CPED1: variants seen among roughly 807,000 people sequenced by gnomAD.
CPED1 encodes cadherin like and PC-esterase domain containing 1, also known as cadherin-like and PC-esterase domain-containing protein 1.
CPED1 carries 114 observed loss-of-function variants against 128.2 expected under a neutral mutation model. That is an observed-to-expected ratio of 0.89 (90% CI 0.76 to 1.04). The LOEUF (loss-of-function observed/expected upper bound fraction) is 1.04, where lower values mean the gene tolerates loss of function less well. Ranked by LOEUF, CPED1 falls within the 50% of genes least tolerant of loss-of-function variation. The pLI is 0.00. For missense variants in CPED1, 1,211 were observed against 1,207.1 expected, an observed-to-expected ratio of 1.00 and a Z score of -0.05; for synonymous variants, 462 against 426.7, an observed-to-expected ratio of 1.08 and a Z score of -1.02.
chr7:121,026,977 G>A (rs9692504), intron 3 of CPED1, among the ~76,000 whole-genome samples: 2,963 of 150,452 alleles, frequency 0.02, 98 homozygotes, highest in African/African-American at 0.069. Flanking sequence ...CTACAGGAGC[G>A]TGCCACCAAG....
At chr7:121,244,715 G>A (rs1231413752) in intron 18 of CPED1, among the ~76,000 whole-genome samples, 2 of 152,226 alleles carry the variant, frequency 1.3e-5, no homozygotes, top group African/African-American at 4.8e-5. Context: ...TGTGAAAACA[G>A]ACATCTGCAG....
chr7:121,190,648 C>A (rs1033937299), intron 16 of CPED1, among the ~76,000 whole-genome samples: 1 of 151,852 alleles, frequency 6.6e-6, no homozygotes, highest in Non-Finnish European at 1.5e-5. Context: ...CAATGTTTTC[C>A]TAGACTCAGG....
At chr7:121,253,661 C>A (rs1261864531) in intron 18 of CPED1, among the ~76,000 whole-genome samples, 1 of 151,952 alleles carries the variant, frequency 6.6e-6, no homozygotes, top group Non-Finnish European at 1.5e-5. Flanking sequence ...TAAGACTCAA[C>A]CATTTTCTGT....
intron 3 of CPED1, among the ~76,000 whole-genome samples, chr7:121,036,684 A>G (rs1371283559): frequency 2.0e-5 from 3 of 151,940 alleles, no homozygotes; most frequent in East Asian, 1.9e-4. Context: ...CAAATAGTAG[A>G]TCTATTTTAA....
chr7:121,180,681 A>G (rs1367894897), intron 16 of CPED1, among the ~76,000 whole-genome samples: 1 of 152,050 alleles, frequency 6.6e-6, no homozygotes, highest in African/African-American at 2.4e-5. Context: ...AATGGAGAAG[A>G]GAAGAGAGAA....
intron 7 of CPED1, among the ~76,000 whole-genome samples, chr7:121,105,564 G>T (rs896945477): frequency 6.6e-6 from 1 of 152,018 alleles, no homozygotes; most frequent in Non-Finnish European, 1.5e-5. Flanking sequence ...AAGAGTTGAC[G>T]TATTACTTAA....
Position 121,103,072 on chromosome 7 carries a change from T to A in CPED1, c.918+2978T>A, listed in dbSNP as rs180851433. 9.3e-4 allele frequency among the ~76,000 whole-genome samples: 142 copies of A among 152,290 alleles called. 1 individual carries two copies. The highest frequency in any genetic ancestry group is 3.2e-3 in the African/African-American group (134 of 41,570). On this transcript the variant is annotated intron_variant, in intron 7 of 22. Transcript: ENST00000310396. The stretch of plus-strand genomic sequence containing the variant: ...AATAACAGGCTAATTTTTATGATAG[T>A]TTTTATTTATGTATTTCCTGAAAAT...
chr7:121,023,981 C>A (rs1018743650), intron 3 of CPED1, among the ~76,000 whole-genome samples: 8 of 152,046 alleles, frequency 5.3e-5, no homozygotes, highest in Non-Finnish European at 1.2e-4. Context: ...ATCAGAAGTG[C>A]TTCTGTACTT....
rs140497374 is a variant in CPED1, at chr7:121,231,612, G to C, written c.2056-5102G>C. On this transcript the variant is annotated intron_variant, in intron 16 of 22. Transcript: ENST00000310396. ...GGCGTCACTGACAGGTATGTAGAAC[G>C]TTGGATGGAGATAGATTGGATTGTT... is the stretch of plus-strand genomic sequence containing the variant. Among the ~76,000 whole-genome samples, 181 of 152,176 alleles carry C rather than the reference G, an allele frequency of 1.2e-3. 1 individual carries two copies. The highest frequency in any genetic ancestry group is 2.4e-4 in the Non-Finnish European group (16 of 67,976).
At chr7:121,105,697 A>G (rs988695859) in intron 7 of CPED1, among the ~76,000 whole-genome samples, 1 of 152,152 alleles carries the variant, frequency 6.6e-6, no homozygotes, top group African/African-American at 2.4e-5. Context: ...ACCAAAGCTG[A>G]CTTACTTTAA....
chr7:121,244,686 C>T (rs571085076), intron 18 of CPED1, among the ~76,000 whole-genome samples: 18 of 152,320 alleles, frequency 1.2e-4, no homozygotes, highest in Admixed American at 8.5e-4. Flanking sequence ...TTGTCAACTG[C>T]AGCTCTGGCA....
intron 3 of CPED1, among the ~76,000 whole-genome samples, chr7:121,032,929 G>A (rs1000992017): frequency 6.6e-6 from 1 of 152,126 alleles, no homozygotes; most frequent in Non-Finnish European, 1.5e-5. Context: ...TGTCTTAGGC[G>A]ACAGCCCTGA....
At chr7:121,009,279 CAG>C (rs1156500338) in intron 2 of CPED1, among the ~76,000 whole-genome samples, 2 of 151,786 alleles carry the variant, frequency 1.3e-5, no homozygotes, top group African/African-American at 4.8e-5. Context: ...ATCTGAACTG[CAG>C]AGAGAGAGGC....
intron 22 of CPED1, among the ~76,000 whole-genome samples, chr7:121,291,122 G>A (rs887067039): frequency 4.6e-5 from 7 of 152,140 alleles, no homozygotes; most frequent in African/African-American, 1.7e-4. Context: ...TAGATGTGTG[G>A]TGTCATTTCT....
chr7:121,286,461 G>A (rs1792575583), intron 22 of CPED1, among the ~76,000 whole-genome samples: 1 of 152,154 alleles, frequency 6.6e-6, no homozygotes, highest in African/African-American at 2.4e-5. Context: ...CATTACAGAG[G>A]CCTATGTATT....
chr7:121,179,072 A>G (rs1370915858), intron 16 of CPED1, among the ~76,000 whole-genome samples: 1 of 152,086 alleles, frequency 6.6e-6, no homozygotes, highest in African/African-American at 2.4e-5. Flanking sequence ...TGTTTTGGAA[A>G]CCAAAAGTGA....
chr7:121,135,148 A>G (rs184335035), intron 13 of CPED1, among the ~76,000 whole-genome samples: 148 of 152,156 alleles, frequency 9.7e-4, no homozygotes, highest in African/African-American at 3.5e-3. Context: ...ATGGTGACTT[A>G]TATTTTTCCT....
intron 22 of CPED1, among the ~76,000 whole-genome samples, chr7:121,285,750 T>C (rs1182245792): frequency 6.6e-6 from 1 of 152,188 alleles, no homozygotes; most frequent in Non-Finnish European, 1.5e-5. Context: ...TCAACAAGTC[T>C]CTAGGAAGTT....
chr7:121,150,428 T>C (rs56895884), intron 16 of CPED1, among the ~76,000 whole-genome samples: 66,681 of 151,698 alleles, frequency 0.44, 15,941 homozygotes, highest in East Asian at 0.84. Context: ...TGTATATGTA[T>C]CACATTTTCT....
Sources: allele counts gnomAD v4.1 joint callset (sites outside exome capture counted in the v4.1 genomes callset), GRCh38; gene constraint gnomAD v4.1.1; transcripts MANE v1.5; gene names NCBI Gene and HGNC (gene_info 2026-07-23, HGNC 2026-07-21).